Variants in STIM1 observed in about 807,000 individuals in gnomAD.
STIM1 encodes stromal interaction molecule 1.
Under a neutral mutation model 74.7 loss-of-function variants are expected in STIM1, and 25 were observed. That is an observed-to-expected ratio of 0.33 (90% CI 0.24 to 0.47). The LOEUF (loss-of-function observed/expected upper bound fraction) is 0.47. STIM1 is among the 20% of genes least tolerant of loss of function. The probability of loss-of-function intolerance (pLI) is 1.00; values close to 1 mark genes in which losing one functional copy is unlikely to be tolerated. For missense variants in STIM1, 728 were observed against 920.8 expected (o/e 0.79, Z 2.71); for synonymous variants, 328 against 348.8 (o/e 0.94, Z 0.66).
intron 2 of STIM1, chr11:3,974,142 C>G: frequency 1.6e-6 from 1 of 640,864 alleles, no homozygotes; most frequent in Non-Finnish European, 2.8e-6. Flanking sequence ...CTCAGAATGG[C>G]TCATTGGACC....
intron 1 of STIM1, among the ~76,000 whole-genome samples, chr11:3,895,521 A>G (rs889851703): frequency 6.6e-6 from 1 of 152,108 alleles, no homozygotes; most frequent in African/African-American, 2.4e-5. Context: ...AAATGAAGAG[A>G]TTAAAGCCCA....
At chr11:3,891,983 G>GCTGATCT (rs2091909277) in intron 1 of STIM1, among the ~76,000 whole-genome samples, 1 of 152,200 alleles carries the variant, frequency 6.6e-6, no homozygotes, top group Non-Finnish European at 1.5e-5. Context: ...GATTTGGCCT[G>GCTGATCT]AGGGCCTCAG....
intron 1 of STIM1, among the ~76,000 whole-genome samples, chr11:3,932,351 A>G (rs1424954940): frequency 6.6e-6 from 1 of 152,172 alleles, no homozygotes; most frequent in Admixed American, 6.6e-5. Flanking sequence ...CTTGAATGGA[A>G]TTAGTGCCCT....
At chr11:3,985,596 A>C (rs1038351596) in intron 2 of STIM1, among the ~76,000 whole-genome samples, 4 of 152,232 alleles carry the variant, frequency 2.6e-5, no homozygotes, top group African/African-American at 7.2e-5. Flanking sequence ...AGCAGCCCAA[A>C]GATGCTGTCA....
chr11:3,874,035 G>A (rs1011875540), intron 1 of STIM1, among the ~76,000 whole-genome samples: 2 of 152,210 alleles, frequency 1.3e-5, no homozygotes, highest in Admixed American at 1.3e-4. Flanking sequence ...GCCTCCTAGA[G>A]TACCAGAAGT....
chr11:3,896,794 A>C (rs539484919), intron 1 of STIM1, among the ~76,000 whole-genome samples: 1 of 152,326 alleles, frequency 6.6e-6, no homozygotes, highest in Admixed American at 6.5e-5. Context: ...CCTGGGTCTC[A>C]TCACTATAGT....
chr11:3,901,914 C>T (rs1163800241), intron 1 of STIM1, among the ~76,000 whole-genome samples: 5 of 152,160 alleles, frequency 3.3e-5, no homozygotes, highest in African/African-American at 7.2e-5. Context: ...ACTACAGGCA[C>T]GTGCCACGAT....
intron 7 of STIM1, 35 bp from the exon 8 acceptor site, chr11:4,082,149 G>C: frequency 6.2e-7 from 1 of 1,611,334 alleles, no homozygotes. Context: ...AGTCTTAGTA[G>C]CAGTAAATGA....
intron 2 of STIM1, among the ~76,000 whole-genome samples, chr11:3,974,425 G>A (rs956183297): frequency 6.6e-6 from 1 of 151,082 alleles, no homozygotes; most frequent in East Asian, 2.0e-4. Context: ...GCTGTAATCT[G>A]AGCACCTTGG....
At chr11:3,866,415 G>A (rs532593123) in intron 1 of STIM1, among the ~76,000 whole-genome samples, 1 of 150,714 alleles carries the variant, frequency 6.6e-6, no homozygotes, top group Non-Finnish European at 1.5e-5. Context: ...GCCACAAGAG[G>A]CAGCTTGCTA....
At chr11:3,944,701 TCTCTG>T (rs1360413878) in intron 1 of STIM1, among the ~76,000 whole-genome samples, 1 of 152,212 alleles carries the variant, frequency 6.6e-6, no homozygotes, top group Non-Finnish European at 1.5e-5. Context: ...GGATCAGGAA[TCTCTG>T]CTCTGCCTGA....
At chr11:3,855,248 C>T (rs934704326), upstream of STIM1, 2 of 152,454 alleles carry the variant, frequency 1.3e-5, no homozygotes. Flanking sequence ...AACGTCGTGT[C>T]CTGGGCCTCT....
chr11:4,059,594 T>G (rs1303758596), intron 5 of STIM1, among the ~76,000 whole-genome samples, 198 bp downstream of exon 5: 1 of 152,222 alleles, frequency 6.6e-6, no homozygotes, highest in African/African-American at 2.4e-5. Flanking sequence ...TTAAATACTT[T>G]AAGGAAATAT....
At chr11:3,981,220 G>A (rs930992992) in intron 2 of STIM1, among the ~76,000 whole-genome samples, 21 of 152,116 alleles carry the variant, frequency 1.4e-4, no homozygotes, top group Admixed American at 9.8e-4. Context: ...GAGCCACCAC[G>A]CCCAGCCAAT....
At chr11:3,912,675 G>A (rs1271694516) in intron 1 of STIM1, among the ~76,000 whole-genome samples, 1 of 152,096 alleles carries the variant, frequency 6.6e-6, no homozygotes, top group Non-Finnish European at 1.5e-5. Context: ...CAAATCATTT[G>A]TTTAATAAGA....
chr11:4,016,007 G>A (rs2093893132), intron 2 of STIM1, among the ~76,000 whole-genome samples: 1 of 152,270 alleles, frequency 6.6e-6, no homozygotes, highest in South Asian at 2.1e-4. Context: ...TTAGGTCGGA[G>A]AAGTTTGTTA....
chr11:3,892,932 CT>C, intron 1 of STIM1: 2 of 1,153,858 alleles, frequency 1.7e-6, no homozygotes, highest in Non-Finnish European at 2.6e-6. Flanking sequence ...TCTGCAAAGA[CT>C]TTTATGTTTT....
At chr11:4,007,537 G>A (rs1454053662) in intron 2 of STIM1, among the ~76,000 whole-genome samples, 1 of 152,156 alleles carries the variant, frequency 6.6e-6, no homozygotes, top group East Asian at 1.9e-4. Flanking sequence ...AACTTCCGTT[G>A]AGGGTATATG....
chr11:4,055,704 A>G (rs746351095), intron 4 of STIM1, 67 bp downstream of exon 4: 23 of 1,266,456 alleles, frequency 1.8e-5, no homozygotes, highest in Non-Finnish European at 2.3e-5. Flanking sequence ...GCCTGCCTTC[A>G]GATTGCTCTG....
Sources: gnomAD v4.1 joint callset for allele counts (sites outside exome capture counted in the v4.1 genomes callset) on GRCh38, gnomAD v4.1.1 for gene constraint, MANE v1.5 for transcripts, NCBI Gene and HGNC (gene_info 2026-07-23, HGNC 2026-07-21) for gene names.